CHLSN: variants seen among roughly 807,000 people sequenced by gnomAD.
CHLSN encodes protein cholesin.
the CHLSN span, among the ~76,000 whole-genome samples, chr7:1,118,045 G>A: frequency 6.6e-6 from 1 of 152,176 alleles, no homozygotes; most frequent in African/African-American, 2.4e-5. Context: ...TTCTCATCCA[G>A]AGAGCCACAC....
At chr7:984,596 C>T in the CHLSN span, 88 of 1,553,398 alleles carry the variant, frequency 5.7e-5, no homozygotes, top group Middle Eastern at 6.2e-4. Context: ...GCCGGCGCTA[C>T]GGGGCCTACT....
the CHLSN span, chr7:1,028,319 G>A: frequency 9.6e-7 from 1 of 1,037,138 alleles, no homozygotes; most frequent in Non-Finnish European, 1.2e-6. Context: ...TGCGCCCGCA[G>A]TGCGCACCGC....
At chr7:993,340 G>A in the CHLSN span, among the ~76,000 whole-genome samples, 3 of 152,308 alleles carry the variant, frequency 2.0e-5, no homozygotes, top group East Asian at 3.9e-4. Context: ...ACGGACGGCA[G>A]GTGGCGCCAC....
the CHLSN span, chr7:984,858 G>T: frequency 2.0e-6 from 3 of 1,475,198 alleles, no homozygotes; most frequent in Non-Finnish European, 2.7e-6. Flanking sequence ...CAGTCTCGCT[G>T]CCCTGTCAGC....
At chr7:1,120,462 T>C in the CHLSN span, among the ~76,000 whole-genome samples, 1 of 152,108 alleles carries the variant, frequency 6.6e-6, no homozygotes, top group South Asian at 2.1e-4. Context: ...TGGCCAATTT[T>C]TGTATTTTTT....
chr7:1,027,083 T>G, the CHLSN span: 1 of 152,198 alleles, frequency 6.6e-6, no homozygotes, highest in African/African-American at 2.4e-5. Context: ...GCCTCTAAAA[T>G]GAGGAAATGG....
the CHLSN span, among the ~76,000 whole-genome samples, chr7:1,112,406 T>G: frequency 6.6e-6 from 1 of 152,182 alleles, no homozygotes; most frequent in Non-Finnish European, 1.5e-5. Context: ...CTGCTCACTC[T>G]GAGAGACGCC....
At chr7:1,102,577 AT>A in the CHLSN span, among the ~76,000 whole-genome samples, 88 of 149,118 alleles carry the variant, frequency 5.9e-4, no homozygotes, top group East Asian at 7.8e-4. Context: ...TGTTTTTAAA[AT>A]TTTTTTTTTT....
the CHLSN span, among the ~76,000 whole-genome samples, chr7:1,107,289 T>C: frequency 2.0e-5 from 3 of 152,044 alleles, no homozygotes; most frequent in Non-Finnish European, 4.4e-5. Context: ...GAGCCCATGA[T>C]GCGCTCACAG....
the CHLSN span, among the ~76,000 whole-genome samples, chr7:1,049,921 A>C: frequency 7.9e-5 from 12 of 152,058 alleles, no homozygotes; most frequent in Non-Finnish European, 1.8e-4. Context: ...GCCTCCCACC[A>C]GCCAGGCCTG....
the CHLSN span, among the ~76,000 whole-genome samples, chr7:1,105,346 C>G: frequency 6.6e-6 from 1 of 152,234 alleles, no homozygotes; most frequent in Non-Finnish European, 1.5e-5. Context: ...TGCCGCCGGC[C>G]GGCTGTGGAA....
chr7:1,110,849 AC>A, the CHLSN span, among the ~76,000 whole-genome samples: 1 of 151,862 alleles, frequency 6.6e-6, no homozygotes, highest in Non-Finnish European at 1.5e-5. Context: ...CAGGCAATTC[AC>A]AAAAAAAAAC....
the CHLSN span, chr7:1,092,284 G>T: frequency 6.2e-7 from 1 of 1,611,806 alleles, no homozygotes; most frequent in African/African-American, 1.3e-5. Context: ...GATGGCATCC[G>T]TGTCAGCCAC....
chr7:1,016,948 G>GCCAGCACACA, the CHLSN span, among the ~76,000 whole-genome samples: 3 of 69,024 alleles, frequency 4.3e-5, no homozygotes, highest in African/African-American at 2.0e-4. Flanking sequence ...GCCAGCACAC[G>GCCAGCACACA]CCAGCGCACA....
chr7:1,135,899 G>T, the CHLSN span, among the ~76,000 whole-genome samples: 1 of 119,106 alleles, frequency 8.4e-6, no homozygotes, highest in Admixed American at 9.5e-5. Flanking sequence ...AAATATATAA[G>T]TATATATAAA....
At chr7:1,016,961 A>G in the CHLSN span, among the ~76,000 whole-genome samples, 1 of 137,426 alleles carries the variant, frequency 7.3e-6, no homozygotes, top group Non-Finnish European at 1.6e-5. Flanking sequence ...AGCGCACAGC[A>G]GCACACGCCA....
the CHLSN span, among the ~76,000 whole-genome samples, chr7:1,035,224 T>A: frequency 2.2e-4 from 34 of 151,514 alleles, no homozygotes; most frequent in African/African-American, 7.8e-4. Context: ...CACGTCTTTG[T>A]GACTGTGAAC....
the CHLSN span, among the ~76,000 whole-genome samples, chr7:1,055,018 G>A: frequency 1.3e-5 from 2 of 152,062 alleles, no homozygotes; most frequent in African/African-American, 4.8e-5. Context: ...CATGGACCTG[G>A]ACACGTGTCT....
the CHLSN span, among the ~76,000 whole-genome samples, chr7:1,102,163 A>G: frequency 6.6e-6 from 1 of 152,230 alleles, no homozygotes; most frequent in Non-Finnish European, 1.5e-5. Context: ...CAGAAAAGAA[A>G]AACACACAAA....
Sources: allele counts gnomAD v4.1 joint callset (sites outside exome capture counted in the v4.1 genomes callset), GRCh38; gene constraint gnomAD v4.1.1; transcripts MANE v1.5; gene names NCBI Gene and HGNC (gene_info 2026-07-23, HGNC 2026-07-21).